Variants in RELN observed in about 807,000 individuals in gnomAD.
RELN encodes the protein reelin.
In RELN, 108 loss-of-function variants were observed where a neutral mutation model predicts 427.6. That is an observed-to-expected ratio of 0.25 (90% confidence interval 0.22 to 0.30). RELN has a LOEUF of 0.30. RELN is among the 10% of genes least tolerant of loss of function. RELN has a pLI of 1.00. For missense variants in RELN, 3,715 were observed against 4,302.8 expected, an observed-to-expected ratio of 0.86 and a Z score of 3.82; for synonymous variants, 1,524 against 1,513.4, an observed-to-expected ratio of 1.01 and a Z score of -0.16.
chr7:103,728,864 T>C (rs1044506217), intron 6 of RELN, among the ~76,000 whole-genome samples: 1 of 152,158 alleles, frequency 6.6e-6, no homozygotes, highest in African/African-American at 2.4e-5. Context: ...ACACACAAAT[T>C]CTAATTCAAG....
At chr7:103,538,944 G>T (rs74630896) in intron 45 of RELN, 134 bp downstream of exon 45, 1 of 945,572 alleles carries the variant, frequency 1.1e-6, no homozygotes. Flanking sequence ...CAAGAGTACA[G>T]TGTGGTTTGA....
chr7:103,876,872 T>C (rs960388048), intron 2 of RELN, among the ~76,000 whole-genome samples: 9 of 152,136 alleles, frequency 5.9e-5, no homozygotes, highest in African/African-American at 1.9e-4. Context: ...CTTTCACTTA[T>C]TGCTTTCTCG....
chr7:103,778,903 C>T (rs1434718292), intron 3 of RELN, among the ~76,000 whole-genome samples: 1 of 152,176 alleles, frequency 6.6e-6, no homozygotes, highest in African/African-American at 2.4e-5. Context: ...TCCACACTAC[C>T]TATTTCCCAA....
Position 103,660,598 on chromosome 7 carries a change from G to T in RELN, c.1441+778C>A, listed in dbSNP as rs1401926754. Among the ~76,000 whole-genome samples, 3 of 152,164 alleles carry T rather than the reference G, an allele frequency of 2.0e-5. No individual in the cohort carries two copies. In the East Asian group the frequency reaches 5.8e-4, roughly 29 times the overall value. On this transcript the variant is annotated intron_variant, in intron 12 of 64. Coordinates refer to ENST00000428762, the MANE Select transcript of RELN (RefSeq NM_005045.4). Reference sequence around the variant, plus strand: ...GAAGTTAGACTCAGGAGATCTGTTTGTCCTGATGAACTGACATCTTTGCTA... The same window carrying T: ...GAAGTTAGACTCAGGAGATCTGTTTTTCCTGATGAACTGACATCTTTGCTA...
chr7:103,838,456 C>T (rs1337993014), intron 2 of RELN, among the ~76,000 whole-genome samples: 5 of 152,028 alleles, frequency 3.3e-5, no homozygotes, highest in African/African-American at 1.2e-4. Context: ...CCATGCAAGA[C>T]TCTACATTTT....
intron 6 of RELN, among the ~76,000 whole-genome samples, chr7:103,732,063 A>C (rs1319078620): frequency 6.6e-6 from 1 of 152,230 alleles, no homozygotes; most frequent in African/African-American, 2.4e-5. Flanking sequence ...ACTCTAGAGA[A>C]TTAGAGGGCT....
At chr7:103,850,494 A>G (rs1274338729) in intron 2 of RELN, among the ~76,000 whole-genome samples, 1 of 152,174 alleles carries the variant, frequency 6.6e-6, no homozygotes, top group Non-Finnish European at 1.5e-5. Flanking sequence ...CACCACAGGG[A>G]TCCATCGAGA....
chr7:103,546,141 C>T (rs1467753019), intron 41 of RELN, among the ~76,000 whole-genome samples: 2 of 152,196 alleles, frequency 1.3e-5, no homozygotes, highest in Admixed American at 1.3e-4. Flanking sequence ...GCCCACTGAA[C>T]AGTTTTCCCC....
intron 57 of RELN, among the ~76,000 whole-genome samples, chr7:103,494,632 CCTT>C (rs937293466): frequency 4.0e-5 from 6 of 150,488 alleles, no homozygotes; most frequent in African/African-American, 1.5e-4. Context: ...GATCCTTCCT[CCTT>C]GGCCTCCCAA....
Position 103,486,222 on chromosome 7 carries a change from T to G in RELN, c.9958A>C (p.Lys3320Gln), listed in dbSNP as rs754610549. The G allele has an allele frequency of 1.9e-6, 3 of 1,613,838 alleles. No homozygotes were observed. Among genetic ancestry groups the G allele is most frequent in the South Asian group, 1.1e-5 (1 of 91,068 alleles). Residue 3320 changes from lysine (K) to glutamine (Q), a missense_variant, in exon 61 of 65, where the codon AAG becomes CAG. Lys to Gln is a moderately conservative substitution (Grantham distance 53). Coordinates refer to ENST00000428762, the MANE Select transcript of RELN (RefSeq NM_005045.4). ...NGCQIRQAAT[K>Q]PLDLTRASKI... ...CTTGCTCGAGTGAGATCCAGAGGCT[T>G]GGTAGCTGCTTGCCTGATCTGACAG...
intron 2 of RELN, among the ~76,000 whole-genome samples, chr7:103,888,450 G>C (rs997763654): frequency 6.6e-6 from 1 of 152,042 alleles, no homozygotes; most frequent in Non-Finnish European, 1.5e-5. Context: ...TCCAAAAGCT[G>C]AATCAGAAAC....
At chr7:103,554,241 A>G (rs1002515672) in intron 38 of RELN, among the ~76,000 whole-genome samples, 2 of 151,272 alleles carry the variant, frequency 1.3e-5, no homozygotes, top group Non-Finnish European at 3.0e-5. Flanking sequence ...TCTGGGGGAA[A>G]AAAAAAACAT....
At chr7:103,799,319 G>C (rs1057196107) in intron 3 of RELN, among the ~76,000 whole-genome samples, 6 of 152,212 alleles carry the variant, frequency 3.9e-5, no homozygotes, top group African/African-American at 1.2e-4. Context: ...TATATGACTA[G>C]GTCTAGTTAC....
At chr7:103,876,560 A>G (rs1295406210) in intron 2 of RELN, among the ~76,000 whole-genome samples, 1 of 152,162 alleles carries the variant, frequency 6.6e-6, no homozygotes, top group Non-Finnish European at 1.5e-5. Context: ...GACATTAGTA[A>G]TACTTTATAT....
chr7:103,825,657 C>T lies in RELN; in HGVS notation c.473+7880G>A, dbSNP rs12667270. The stretch of plus-strand genomic sequence containing the variant: ...TAACAGATTATCGAATCTTGTGCTA[C>T]ACAACAGAACTTTCTGTAATAATGG... On this transcript the variant is annotated intron_variant, in intron 3 of 64. Coordinates refer to ENST00000428762, the MANE Select transcript of RELN (RefSeq NM_005045.4). Among the ~76,000 whole-genome samples, 141 of 152,158 alleles carry T rather than the reference C, an allele frequency of 9.3e-4. 1 individual carries two copies. The East Asian group carries it at 0.024, about 26-fold the overall frequency.
intron 2 of RELN, among the ~76,000 whole-genome samples, chr7:103,836,710 A>G (rs1346572582): frequency 6.6e-6 from 1 of 152,126 alleles, no homozygotes; most frequent in Non-Finnish European, 1.5e-5. Context: ...CTACATGAAG[A>G]TTTGGCTCAC....
At chr7:103,694,129 C>G (rs368708568) in intron 10 of RELN, among the ~76,000 whole-genome samples, 1 of 152,058 alleles carries the variant, frequency 6.6e-6, no homozygotes, top group Non-Finnish European at 1.5e-5. Context: ...AAAGCTGGAG[C>G]AAGATCAAGA....
At chr7:103,944,997 C>CA (rs372665164) in intron 1 of RELN, among the ~76,000 whole-genome samples, 35 of 151,620 alleles carry the variant, frequency 2.3e-4, no homozygotes, top group East Asian at 1.2e-3. Context: ...AAAAAACAAA[C>CA]AAAAAAAACA....
intron 41 of RELN, among the ~76,000 whole-genome samples, chr7:103,549,425 T>A (rs1299005391): frequency 2.0e-5 from 3 of 152,194 alleles, no homozygotes; most frequent in Non-Finnish European, 4.4e-5. Context: ...AAATGCCCCA[T>A]CTCCTTATTC....
Sources: allele counts gnomAD v4.1 joint callset (sites outside exome capture counted in the v4.1 genomes callset), GRCh38; gene constraint gnomAD v4.1.1; transcripts MANE v1.5; gene names NCBI Gene and HGNC (gene_info 2026-07-23, HGNC 2026-07-21).